Variants in GRIN2A observed in about 807,000 individuals in gnomAD.
GRIN2A encodes glutamate ionotropic receptor NMDA type subunit 2A, also known as glutamate receptor ionotropic, NMDA 2A.
Under a neutral mutation model 113.4 loss-of-function variants are expected in GRIN2A, and 22 were observed. The observed-to-expected ratio is 0.19, with a 90% CI of 0.14 to 0.28. The LOEUF (loss-of-function observed/expected upper bound fraction) is 0.28, where lower values mean the gene tolerates loss of function less well. Among genes scored for constraint, GRIN2A ranks in the 10% least tolerant of loss-of-function variants. The pLI is 1.00. For synonymous variants in GRIN2A, 827 were observed against 738.4 expected, an observed-to-expected ratio of 1.12 and a Z score of -1.94; for missense variants, 1,502 against 1,887.0, an observed-to-expected ratio of 0.80 and a Z score of 3.78.
intron 2 of GRIN2A, among the ~76,000 whole-genome samples, chr16:10,168,130 T>G (rs1328924054): frequency 6.6e-6 from 1 of 152,240 alleles, no homozygotes; most frequent in Non-Finnish European, 1.5e-5. Flanking sequence ...CATTGTCTTC[T>G]GTAGATGAGC....
chr16:10,015,017 G>A (rs1448373382), intron 2 of GRIN2A, among the ~76,000 whole-genome samples: 1 of 152,012 alleles, frequency 6.6e-6, no homozygotes, highest in Non-Finnish European at 1.5e-5. Context: ...ACTTTGGGAG[G>A]CCAAGGTGGG....
At chr16:10,019,080 T>C (rs1457032706) in intron 2 of GRIN2A, among the ~76,000 whole-genome samples, 1 of 134,956 alleles carries the variant, frequency 7.4e-6, no homozygotes, top group Admixed American at 7.2e-5. Context: ...AAAAACTGAA[T>C]CCCAACGTAA....
At chr16:10,114,726 GC>G (rs1157084051) in intron 2 of GRIN2A, among the ~76,000 whole-genome samples, 2 of 152,202 alleles carry the variant, frequency 1.3e-5, no homozygotes, top group African/African-American at 4.8e-5. Flanking sequence ...TGCTTAAAAA[GC>G]TAGTGATCTA....
intron 2 of GRIN2A, among the ~76,000 whole-genome samples, chr16:10,036,244 G>A (rs1163491290): frequency 3.9e-5 from 6 of 151,944 alleles, no homozygotes; most frequent in Non-Finnish European, 7.4e-5. Context: ...AAACTTGGTG[G>A]CTTGAACAAT....
chr16:9,819,753 C>T (rs184650182), intron 10 of GRIN2A, among the ~76,000 whole-genome samples: 7 of 151,830 alleles, frequency 4.6e-5, no homozygotes, highest in Non-Finnish European at 8.8e-5. Flanking sequence ...CACCTGAGCT[C>T]AGAAGTTCAA....
chr16:9,938,676 T>C, intron 2 of GRIN2A, 125 bp from the exon 3 acceptor site: 1 of 722,972 alleles, frequency 1.4e-6, no homozygotes, highest in Non-Finnish European at 2.5e-6. Flanking sequence ...TTCCTGAGCA[T>C]CTACTATATC....
intron 2 of GRIN2A, among the ~76,000 whole-genome samples, chr16:10,058,279 C>CAAAAAACA (rs1220595073): frequency 7.1e-6 from 1 of 140,166 alleles, no homozygotes; most frequent in African/African-American, 3.1e-5. Flanking sequence ...ACAAAAAAAC[C>CAAAAAACA]AAAAAACAAA....
intron 3 of GRIN2A, among the ~76,000 whole-genome samples, chr16:9,930,801 T>C (rs560917038): frequency 2.0e-5 from 3 of 152,340 alleles, no homozygotes; most frequent in African/African-American, 7.2e-5. Flanking sequence ...AGTCTCTTAA[T>C]GGGTCATTAA....
chr16:10,097,795 A>G (rs1319714283), intron 2 of GRIN2A, among the ~76,000 whole-genome samples: 1 of 152,344 alleles, frequency 6.6e-6, no homozygotes, highest in African/African-American at 2.4e-5. Context: ...AATCAACTCA[A>G]GGTGGATCAA....
rs1900799879 is a variant in GRIN2A, at chr16:9,764,682, G to C, written c.2862C>G (p.Ser954Arg). Residue 954 changes from serine (S) to arginine (R), a missense_variant, in exon 13 of 13, where the codon AGC becomes AGG. By Grantham distance (110) the Ser-to-Arg change is moderately radical. Around this residue, in one of 7 missense-constraint regions of GRIN2A, gnomAD observed 832 missense variants for 789.7 expected, o/e 1.05. Coordinates refer to ENST00000330684, the MANE Select transcript of GRIN2A (RefSeq NM_001134407.3). Reference protein sequence around the residue: ...SDNRSFQGKESIFGDNMNELQ... With the variant: ...SDNRSFQGKERIFGDNMNELQ... ...GTTCGTTCATGTTGTCTCCAAAAATGCTCTCTTTCCCCTGAAAGGACCTGT... is the reference window on the plus strand; with the variant it reads ...GTTCGTTCATGTTGTCTCCAAAAATCCTCTCTTTCCCCTGAAAGGACCTGT... The C allele has an allele frequency of 6.2e-7, 1 of 1,614,024 alleles. No individual in the cohort carries two copies. The highest frequency in any genetic ancestry group is 1.3e-5 in the African/African-American group (1 of 74,922).
intron 2 of GRIN2A, among the ~76,000 whole-genome samples, chr16:10,051,469 T>A (rs1900720): frequency 6.6e-6 from 1 of 152,196 alleles, no homozygotes; most frequent in Non-Finnish European, 1.5e-5. Context: ...AATGGCTGAC[T>A]CATAGTAGGC....
intron 11 of GRIN2A, among the ~76,000 whole-genome samples, chr16:9,782,760 A>T (rs1162835235): frequency 6.6e-6 from 1 of 152,192 alleles, no homozygotes; most frequent in Non-Finnish European, 1.5e-5. Flanking sequence ...ACGCAGATTA[A>T]ATCCCCTGGA....
intron 2 of GRIN2A, among the ~76,000 whole-genome samples, chr16:9,978,003 T>A (rs921748498): frequency 2.0e-5 from 3 of 152,030 alleles, no homozygotes; most frequent in African/African-American, 7.3e-5. Context: ...AGACTTGGAG[T>A]TAGAACTTGG....
At chr16:9,942,101 G>C (rs1424107862) in intron 2 of GRIN2A, among the ~76,000 whole-genome samples, 3 of 152,122 alleles carry the variant, frequency 2.0e-5, no homozygotes, top group African/African-American at 2.4e-5. Flanking sequence ...CACATCAGGA[G>C]ATCATGCTAT....
intron 11 of GRIN2A, among the ~76,000 whole-genome samples, chr16:9,790,329 T>G (rs1192014462): frequency 6.6e-6 from 1 of 152,212 alleles, no homozygotes; most frequent in African/African-American, 2.4e-5. Flanking sequence ...AACCTGGGTT[T>G]GAGCCCCAAC....
chr16:9,852,212 T>C (rs138627589), intron 4 of GRIN2A, among the ~76,000 whole-genome samples: 6 of 152,336 alleles, frequency 3.9e-5, no homozygotes, highest in African/African-American at 1.4e-4. Flanking sequence ...CAATAAGTGG[T>C]GGAACCAGAG....
At chr16:10,081,858 CCATTTT>C (rs1244590348) in intron 2 of GRIN2A, among the ~76,000 whole-genome samples, 1 of 152,178 alleles carries the variant, frequency 6.6e-6, no homozygotes, top group African/African-American at 2.4e-5. Context: ...TCCCTACTCT[CCATTTT>C]CAGATTGGTA....
At chr16:9,983,066 G>T (rs986006399) in intron 2 of GRIN2A, among the ~76,000 whole-genome samples, 1 of 152,078 alleles carries the variant, frequency 6.6e-6, no homozygotes, top group East Asian at 1.9e-4. Context: ...AATGATCAAG[G>T]CAAGGTAATT....
At chr16:10,101,127 G>T (rs150829490) in intron 2 of GRIN2A, among the ~76,000 whole-genome samples, 2 of 152,324 alleles carry the variant, frequency 1.3e-5, no homozygotes, top group East Asian at 3.9e-4. Context: ...CCAACATGGG[G>T]CTCCTTTCAT....
Sources: allele counts gnomAD v4.1 joint callset (sites outside exome capture counted in the v4.1 genomes callset), GRCh38; gene constraint gnomAD v4.1.1; regional missense constraint gnomAD v4.1.1; transcripts MANE v1.5; gene names NCBI Gene and HGNC (gene_info 2026-07-23, HGNC 2026-07-21).